Variants in ZNF385D observed in about 807,000 individuals in gnomAD.
ZNF385D encodes the protein zinc finger protein 385D, also known as zinc finger protein 659.
A neutral mutation model predicts 35.8 loss-of-function variants in ZNF385D; 15 were observed. The ratio of observed to expected loss-of-function variants is 0.42; its 90% confidence interval spans 0.28 to 0.64. The LOEUF (loss-of-function observed/expected upper bound fraction) is 0.64. Ranked by LOEUF, ZNF385D falls within the 30% of genes least tolerant of loss-of-function variation. ZNF385D has a pLI of 0.23. For missense variants in ZNF385D, 474 were observed against 494.6 expected, an observed-to-expected ratio of 0.96 and a Z score of 0.39; for synonymous variants, 212 against 186.8, an observed-to-expected ratio of 1.13 and a Z score of -1.10.
intron 2 of ZNF385D, among the ~76,000 whole-genome samples, chr3:22,306,847 A>G (rs77343199): frequency 0.03 from 4,577 of 152,268 alleles, 92 homozygotes; most frequent in Non-Finnish European, 0.044. Context: ...TAAATGTTAG[A>G]TATTATATCC....
At chr3:21,685,981 G>C (rs549958742) in intron 1 of ZNF385D, among the ~76,000 whole-genome samples, 2 of 152,258 alleles carry the variant, frequency 1.3e-5, no homozygotes, top group East Asian at 3.9e-4. Context: ...TGAAAACTGA[G>C]GGGCAGGCAG....
chr3:21,602,822 C>T (rs916105830), intron 2 of ZNF385D, among the ~76,000 whole-genome samples: 1 of 151,992 alleles, frequency 6.6e-6, no homozygotes, highest in Non-Finnish European at 1.5e-5. Context: ...CGTGAGCCAC[C>T]GCGCCCGGCC....
intron 1 of ZNF385D, among the ~76,000 whole-genome samples, chr3:21,742,225 T>C (rs930799683): frequency 6.6e-6 from 1 of 152,204 alleles, no homozygotes; most frequent in African/African-American, 2.4e-5. Flanking sequence ...CAAAGAAAGA[T>C]TCACTAATTT....
chr3:21,563,208 A>G (rs149085824), intron 3 of ZNF385D: 1 of 152,332 alleles, frequency 6.6e-6, no homozygotes, highest in African/African-American at 2.4e-5. Context: ...CCCTTCCACC[A>G]TGTGAAAATA....
intron 2 of ZNF385D, among the ~76,000 whole-genome samples, chr3:21,600,880 T>TAA (rs5847117): frequency 7.3e-5 from 11 of 151,324 alleles, no homozygotes; most frequent in East Asian, 3.9e-4. Flanking sequence ...AATTTAAAAA[T>TAA]AATAAGTCAA....
chr3:22,229,252 G>C (rs977437109), intron 2 of ZNF385D, among the ~76,000 whole-genome samples: 2 of 152,082 alleles, frequency 1.3e-5, no homozygotes, highest in Non-Finnish European at 2.9e-5. Flanking sequence ...GTTTGCTTTT[G>C]ACTTTCTGTT....
intron 3 of ZNF385D, among the ~76,000 whole-genome samples, chr3:21,530,966 G>T (rs961171955): frequency 6.6e-6 from 1 of 151,878 alleles, no homozygotes; most frequent in African/African-American, 2.4e-5. Flanking sequence ...CAGTGGCTAA[G>T]AAACCAAAAG....
At chr3:22,044,264 G>C (rs1183358988) in intron 3 of ZNF385D, among the ~76,000 whole-genome samples, 12 of 151,978 alleles carry the variant, frequency 7.9e-5, no homozygotes, top group Non-Finnish European at 1.6e-4. Flanking sequence ...ACTTTGTTAG[G>C]AATGGGACCA....
Position 22,348,173 on chromosome 3 carries a change from C to T in ZNF385D, c.106+24277G>A, listed in dbSNP as rs140853838. 4.2e-3 allele frequency among the ~76,000 whole-genome samples: 632 copies of T among 152,060 alleles called. 10 individuals carry two copies. The East Asian group carries it at 0.05, about 12-fold the overall frequency. ...CTGGCTTTTTCTTAAGTAATATAAG[C>T]TCATTGTTACAAAGGCATTGTTATG... is the stretch of plus-strand genomic sequence containing the variant. On this transcript the variant is annotated intron_variant, in intron 2 of 5. Coordinates refer to the ZNF385D transcript ENST00000494108.
In ZNF385D at chr3:21,923,414, T is replaced by C. The variant is rs1344567468; in HGVS notation, c.325+245403A>G. ...AATGTTTATACACTGTTGATAGAAATGTAAATTAGTTCAGCCACTGGGGAA... is the reference window on the plus strand; with the variant it reads ...AATGTTTATACACTGTTGATAGAAACGTAAATTAGTTCAGCCACTGGGGAA... On this transcript the variant is annotated intron_variant, in intron 3 of 5. Transcript: ENST00000494108. 1.3e-5 allele frequency among the ~76,000 whole-genome samples: 2 copies of C among 152,176 alleles called. 1 individual carries two copies. Among genetic ancestry groups the C allele is most frequent in the Non-Finnish European group, 2.9e-5 (2 of 68,032 alleles).
intron 3 of ZNF385D, among the ~76,000 whole-genome samples, chr3:21,551,788 A>T (rs1257785650): frequency 6.6e-6 from 1 of 152,212 alleles, no homozygotes; most frequent in Non-Finnish European, 1.5e-5. Context: ...TAATCTGATT[A>T]AAAATGCAAG....
At chr3:22,136,210 C>T (rs1391716365) in intron 3 of ZNF385D, among the ~76,000 whole-genome samples, 1 of 152,098 alleles carries the variant, frequency 6.6e-6, no homozygotes, top group Admixed American at 6.6e-5. Context: ...ATGGTGAAAC[C>T]TCATCTCTAC....
intron 2 of ZNF385D, among the ~76,000 whole-genome samples, chr3:21,566,993 C>T (rs1490027983): frequency 6.6e-6 from 1 of 152,156 alleles, no homozygotes; most frequent in Non-Finnish European, 1.5e-5. Context: ...TACAATGGTG[C>T]TCAGATTCAT....
chr3:21,449,779 G>T lies in ZNF385D; in HGVS notation c.440-12576C>A, dbSNP rs533912317. 2.0e-4 allele frequency among the ~76,000 whole-genome samples: 31 copies of T among 152,260 alleles called. No homozygotes were observed. In the East Asian group the frequency reaches 5.8e-3, roughly 28 times the overall value. ...TTATCATGGATGTGAGACTAATTTCGTTCACATCCTTACTGGCAGATTCTT... is the reference window on the plus strand; with the variant it reads ...TTATCATGGATGTGAGACTAATTTCTTTCACATCCTTACTGGCAGATTCTT... On this transcript the variant is annotated intron_variant, in intron 4 of 7. Coordinates refer to ENST00000281523, the MANE Select transcript of ZNF385D (RefSeq NM_024697.3).
chr3:22,176,537 G>C (rs1394655678), intron 2 of ZNF385D, among the ~76,000 whole-genome samples: 2 of 152,164 alleles, frequency 1.3e-5, no homozygotes. Context: ...CATTAAATTT[G>C]TTGGTCTCAA....
At position 21,432,274 on chromosome 3, in the gene ZNF385D, T is replaced by C. The variant is rs200687012; in HGVS notation, c.673+4696A>G. On this transcript the variant is annotated intron_variant, in intron 5 of 7. Transcript: ENST00000281523. Reference sequence around the variant, plus strand: ...AACAAATTTTAATCAATCTTATCCTTCTTTTTTACATTGTTGCTTTTGTTA... The same window carrying C: ...AACAAATTTTAATCAATCTTATCCTCCTTTTTTACATTGTTGCTTTTGTTA... Among the ~76,000 whole-genome samples the C allele has an allele frequency of 3.6e-4, 54 of 149,782 alleles. No homozygotes were observed. The East Asian group carries it at 6.3e-3, about 18-fold the overall frequency.
chr3:21,480,471 T>C (rs1704547888), intron 4 of ZNF385D, among the ~76,000 whole-genome samples: 1 of 152,092 alleles, frequency 6.6e-6, no homozygotes, highest in Non-Finnish European at 1.5e-5. Flanking sequence ...ATGAGTTGCT[T>C]GATTTGGCAG....
intron 3 of ZNF385D, among the ~76,000 whole-genome samples, chr3:22,130,578 C>A (rs1311234591): frequency 6.6e-6 from 1 of 152,140 alleles, no homozygotes; most frequent in African/African-American, 2.4e-5. Context: ...CAGGGCAGCA[C>A]TGAGTTCCAA....
chr3:21,781,425 T>C (rs983080704), intron 3 of ZNF385D, among the ~76,000 whole-genome samples: 2 of 152,066 alleles, frequency 1.3e-5, no homozygotes, highest in African/African-American at 2.4e-5. Flanking sequence ...CATCTGAAAG[T>C]AAATCTGGCA....
Sources: gnomAD v4.1 joint callset for allele counts (sites outside exome capture counted in the v4.1 genomes callset) on GRCh38, gnomAD v4.1.1 for gene constraint, MANE v1.5 for transcripts, NCBI Gene and HGNC (gene_info 2026-07-23, HGNC 2026-07-21) for gene names.